The following CDK6 variants were observed in gnomAD, a reference collection of about 807,000 sequenced individuals.
CDK6 encodes the protein cyclin-dependent kinase 6.
A neutral mutation model predicts 37.1 loss-of-function variants in CDK6; 6 were observed. The observed-to-expected ratio is 0.16, with a 90% CI of 0.09 to 0.32. The LOEUF is 0.32. CDK6 is among the 10% of genes least tolerant of loss of function. The probability of loss-of-function intolerance (pLI) is 1.00; values close to 1 mark genes in which losing one functional copy is unlikely to be tolerated. For synonymous variants in CDK6, 160 were observed against 161.3 expected (o/e 0.99, Z 0.06); for missense variants, 224 against 418.9 (o/e 0.53, Z 4.06).
At chr7:92,626,859 G>T (rs1318349366) in intron 5 of CDK6, among the ~76,000 whole-genome samples, 1 of 151,982 alleles carries the variant, frequency 6.6e-6, no homozygotes, top group Non-Finnish European at 1.5e-5. Context: ...GAAGGTAACT[G>T]ATTTAGTTTT....
chr7:92,681,639 GCTGAAGTACAA>G (rs1292040663), intron 4 of CDK6, among the ~76,000 whole-genome samples: 1 of 152,176 alleles, frequency 6.6e-6, no homozygotes, highest in Non-Finnish European at 1.5e-5. Context: ...AAATGAGTTG[GCTGAAGTACAA>G]CTGGGTTGGA....
At chr7:92,702,105 T>C (rs540231011) in intron 4 of CDK6, among the ~76,000 whole-genome samples, 1 of 151,926 alleles carries the variant, frequency 6.6e-6, no homozygotes, top group African/African-American at 2.4e-5. Context: ...CATAATCAAA[T>C]AGAATATTGA....
At chr7:92,759,865 T>C (rs1688978373) in intron 3 of CDK6, among the ~76,000 whole-genome samples, 1 of 152,152 alleles carries the variant, frequency 6.6e-6, no homozygotes, top group Admixed American at 6.6e-5. Context: ...TGTATGGCCA[T>C]GCACATACAA....
intron 3 of CDK6, among the ~76,000 whole-genome samples, chr7:92,761,140 A>G (rs1799446613): frequency 6.6e-6 from 1 of 152,046 alleles, no homozygotes. Context: ...TTTATTTATA[A>G]TATTTTCAGT....
At chr7:92,806,135 A>G (rs762836883) in intron 2 of CDK6, among the ~76,000 whole-genome samples, 21 of 152,352 alleles carry the variant, frequency 1.4e-4, no homozygotes, top group East Asian at 5.8e-4. Context: ...CCACAATAAA[A>G]TAAGTTTTTA....
intron 3 of CDK6, among the ~76,000 whole-genome samples, chr7:92,744,033 A>G (rs1229738447): frequency 1.3e-5 from 2 of 152,198 alleles, no homozygotes; most frequent in East Asian, 3.9e-4. Flanking sequence ...AACTAAAAAA[A>G]AAATTTATTG....
intron 3 of CDK6, among the ~76,000 whole-genome samples, chr7:92,771,351 AT>A (rs1470847598): frequency 4.0e-5 from 6 of 151,858 alleles, no homozygotes; most frequent in South Asian, 2.1e-4. Flanking sequence ...TCAAAAAAAA[AT>A]AAAAATATCT....
chr7:92,716,096 A>G (rs1181955713), intron 4 of CDK6, among the ~76,000 whole-genome samples: 1 of 152,204 alleles, frequency 6.6e-6, no homozygotes, highest in African/African-American at 2.4e-5. Context: ...GCAATTGGGA[A>G]GATTAGTTGA....
intron 3 of CDK6, among the ~76,000 whole-genome samples, chr7:92,733,434 G>C (rs934684987): frequency 2.6e-5 from 4 of 152,038 alleles, no homozygotes; most frequent in African/African-American, 9.7e-5. Context: ...TCCCATTTTT[G>C]CCATCTACAT....
At position 92,610,580 on chromosome 7, in the gene CDK6, A is replaced by T. The variant is rs1795542483; in HGVS notation, c.*4560T>A. ...AGAAATGCTTGAGATATAGGGATGTATTAAAATTGGGTTGTGAATTGCATT... is the reference window on the plus strand; with the variant it reads ...AGAAATGCTTGAGATATAGGGATGTTTTAAAATTGGGTTGTGAATTGCATT... On this transcript the variant is annotated 3_prime_UTR_variant, in exon 8 of 8. Transcript: ENST00000424848. 1 of 227,958 alleles carries T rather than the reference A, an allele frequency of 4.4e-6. No homozygotes were observed. Among genetic ancestry groups the T allele is most frequent in the Non-Finnish European group, 8.7e-6 (1 of 114,848 alleles). 14.1% of individuals were successfully genotyped at this position (227,958 alleles called of 1,614,324 possible).
Position 92,833,412 on chromosome 7 carries a change from G to A in CDK6, c.-89C>T, listed in dbSNP as rs1801548447. ...GCGGCCGCCGCTCGCCTACTCCGGG[G>A]CTCCCCGGAGATCGGTCTAGCTTTA... On this transcript the variant is annotated 5_prime_UTR_variant, in exon 2 of 8. Coordinates refer to ENST00000424848, the MANE Select transcript of CDK6 (RefSeq NM_001145306.2). The surrounding 1 kb of genome is among the most constrained non-coding windows in gnomAD (Gnocchi z 6.1). The A allele has an allele frequency of 2.3e-6, 2 of 888,420 alleles. No homozygotes were observed. Among genetic ancestry groups the A allele is most frequent in the Admixed American group, 2.9e-5 (1 of 34,670 alleles). 55.0% of individuals were successfully genotyped at this position (888,420 alleles called of 1,614,324 possible).
chr7:92,771,469 GTA>G (rs969175785), intron 3 of CDK6, among the ~76,000 whole-genome samples: 5 of 152,054 alleles, frequency 3.3e-5, no homozygotes, highest in African/African-American at 7.2e-5. Context: ...TTAAATTTAA[GTA>G]TTTTAAAAAA....
At chr7:92,710,837 G>A in intron 4 of CDK6, 2 of 985,418 alleles carry the variant, frequency 2.0e-6, no homozygotes, top group Non-Finnish European at 2.4e-6. Flanking sequence ...GGATGACTTG[G>A]ACACCTCTGC....
At chr7:92,689,303 T>C (rs1797545913) in intron 4 of CDK6, among the ~76,000 whole-genome samples, 1 of 152,236 alleles carries the variant, frequency 6.6e-6, no homozygotes, top group African/African-American at 2.4e-5. Flanking sequence ...TGTGTCCACA[T>C]GTTCTCATCG....
In CDK6 at chr7:92,833,150, G is replaced by A. The variant is rs781673425; in HGVS notation, c.174C>T (p.Thr58=). 5.6e-6 allele frequency: 9 copies of A among 1,609,208 alleles called. No homozygotes were observed. The Admixed American group carries it at 6.7e-5, about 12-fold the overall frequency. The part of the protein sequence containing the change: ...QTGEEGMPLS[T]IREVAVLRHL... Reference sequence around the variant, plus strand: ...GCCTCAGCACCGCCACCTCGCGGATGGTGGAGAGCGGCATGCCCTCCTCGC... The same window carrying A: ...GCCTCAGCACCGCCACCTCGCGGATAGTGGAGAGCGGCATGCCCTCCTCGC... Residue 58 remains threonine, a synonymous_variant, in exon 2 of 8, where the codon ACC becomes ACT. Transcript: ENST00000424848. This position sits in a 1 kb window ranked among gnomAD's most constrained non-coding sequence, Gnocchi z 6.1.
At chr7:92,712,177 C>G (rs1002886080) in intron 4 of CDK6, among the ~76,000 whole-genome samples, 9 of 151,024 alleles carry the variant, frequency 6.0e-5, no homozygotes, top group African/African-American at 2.2e-4. Context: ...AAAAAAGAAC[C>G]ATGAGAGTTT....
Position 92,833,537 on chromosome 7 carries a change from C to A in CDK6, c.-214G>T. On this transcript the variant is annotated 5_prime_UTR_variant, in exon 2 of 8. Coordinates refer to ENST00000424848, the MANE Select transcript of CDK6 (RefSeq NM_001145306.2). The surrounding 1 kb of genome is among the most constrained non-coding windows in gnomAD (Gnocchi z 6.1). ...CGCGGGGCTGGCGTAACCCTGGTGC[C>A]GCCGCCGCGAAACTCCGCCTGCAGA... 3.7e-6 allele frequency: 2 copies of A among 540,886 alleles called. No homozygotes were observed. Among genetic ancestry groups the A allele is most frequent in the Non-Finnish European group, 6.4e-6 (2 of 311,866 alleles). 33.5% of individuals were successfully genotyped at this position (540,886 alleles called of 1,614,324 possible).
chr7:92,715,610 A>G (rs970231478), intron 4 of CDK6, among the ~76,000 whole-genome samples: 1 of 152,222 alleles, frequency 6.6e-6, no homozygotes, highest in Non-Finnish European at 1.5e-5. Context: ...AGCAGGAGCA[A>G]TAAGAGGAAT....
intron 5 of CDK6, among the ~76,000 whole-genome samples, chr7:92,650,079 A>C (rs1796538616): frequency 6.6e-6 from 1 of 152,228 alleles, no homozygotes; most frequent in East Asian, 1.9e-4. Flanking sequence ...ACTATATGCA[A>C]TACTGACTTT....
Sources: allele counts gnomAD v4.1 joint callset (sites outside exome capture counted in the v4.1 genomes callset), GRCh38; gene constraint gnomAD v4.1.1; non-coding constraint Gnocchi (gnomAD v3.1); transcripts MANE v1.5; gene names NCBI Gene and HGNC (gene_info 2026-07-23, HGNC 2026-07-21).